Variants in SLIT3 observed in about 807,000 individuals in gnomAD.
The protein encoded by SLIT3 is slit homolog 3 protein.
SLIT3 carries 68 observed loss-of-function variants against 184.0 expected under a neutral mutation model. The observed-to-expected ratio is 0.37, with a 90% CI of 0.30 to 0.45. SLIT3 has a LOEUF of 0.45. Ranked by LOEUF, SLIT3 falls within the 20% of genes least tolerant of loss-of-function variation. The pLI, the probability that SLIT3 is intolerant of heterozygous loss-of-function variation, is 1.00. For missense variants in SLIT3, 1,707 were observed against 2,026.0 expected, an observed-to-expected ratio of 0.84 and a Z score of 3.02; for synonymous variants, 831 against 828.6, an observed-to-expected ratio of 1.00 and a Z score of -0.05.
At chr5:169,040,510 C>T (rs2113022414) in intron 4 of SLIT3, among the ~76,000 whole-genome samples, 1 of 152,314 alleles carries the variant, frequency 6.6e-6, no homozygotes. Context: ...TCAGCTAAAC[C>T]CTCATCCCCA....
intron 20 of SLIT3, among the ~76,000 whole-genome samples, chr5:168,745,491 A>T (rs1763772088): frequency 6.6e-6 from 1 of 151,624 alleles, no homozygotes; most frequent in Non-Finnish European, 1.5e-5. Flanking sequence ...GGCTCACTGC[A>T]ACTTCTGCCT....
At chr5:168,977,727 G>C (rs1754815964) in intron 4 of SLIT3, among the ~76,000 whole-genome samples, 1 of 151,980 alleles carries the variant, frequency 6.6e-6, no homozygotes, top group Non-Finnish European at 1.5e-5. Context: ...CCACCCCATA[G>C]TCTTTCAATA....
At chr5:169,198,476 T>C (rs950691709) in intron 3 of SLIT3, among the ~76,000 whole-genome samples, 8 of 152,090 alleles carry the variant, frequency 5.3e-5, no homozygotes, top group African/African-American at 1.9e-4. Flanking sequence ...AACACAGAGG[T>C]GACCTGCGAA....
At chr5:169,139,154 G>A (rs1035722494) in intron 4 of SLIT3, among the ~76,000 whole-genome samples, 1 of 152,178 alleles carries the variant, frequency 6.6e-6, no homozygotes, top group Non-Finnish European at 1.5e-5. Context: ...AGCCTTGGGG[G>A]TAAGATTGTT....
chr5:169,088,889 G>A (rs1056825006), intron 4 of SLIT3, among the ~76,000 whole-genome samples: 4 of 151,536 alleles, frequency 2.6e-5, no homozygotes, highest in East Asian at 1.9e-4. Context: ...GCATGGTGGC[G>A]CATGCCTGTA....
chr5:169,175,971 G>A (rs942217767), intron 4 of SLIT3, among the ~76,000 whole-genome samples: 5 of 152,204 alleles, frequency 3.3e-5, no homozygotes, highest in African/African-American at 1.2e-4. Context: ...CACCGCTCAG[G>A]CAACAAAGTC....
intron 4 of SLIT3, chr5:169,036,483 G>C (rs1757254627): frequency 6.6e-6 from 1 of 152,160 alleles, no homozygotes; most frequent in Non-Finnish European, 1.5e-5. Context: ...TGTTTTTCAA[G>C]CTCAATATAA....
At chr5:168,724,567 C>T in intron 20 of SLIT3, 83 bp from the exon 21 acceptor site, 1 of 1,179,186 alleles carries the variant, frequency 8.5e-7, no homozygotes, top group Non-Finnish European at 1.2e-6. Context: ...CCCTGACTTT[C>T]CAGGCTGGAT....
intron 1 of SLIT3, among the ~76,000 whole-genome samples, chr5:169,295,882 C>T (rs1767484631): frequency 1.3e-5 from 2 of 152,206 alleles, no homozygotes; most frequent in East Asian, 3.8e-4. Context: ...CCACAGAGCA[C>T]TCAGGATGAC....
At chr5:169,000,694 T>C (rs1755675107) in intron 4 of SLIT3, among the ~76,000 whole-genome samples, 1 of 152,192 alleles carries the variant, frequency 6.6e-6, no homozygotes, top group African/African-American at 2.4e-5. Context: ...CACTGAAGAA[T>C]GGTCAGAAAT....
chr5:169,249,165 T>C (rs918442364), intron 2 of SLIT3, among the ~76,000 whole-genome samples: 2 of 152,206 alleles, frequency 1.3e-5, no homozygotes, highest in African/African-American at 4.8e-5. Flanking sequence ...GATATTTTAT[T>C]GGTGTTAGTT....
chr5:168,975,035 G>A (rs992346455), intron 4 of SLIT3, among the ~76,000 whole-genome samples: 3 of 152,154 alleles, frequency 2.0e-5, no homozygotes, highest in Non-Finnish European at 2.9e-5. Context: ...CCTCAGACTG[G>A]TGCTCCAGGC....
At chr5:169,126,656 C>T (rs1243238962) in intron 4 of SLIT3, among the ~76,000 whole-genome samples, 1 of 152,234 alleles carries the variant, frequency 6.6e-6, no homozygotes. Flanking sequence ...GACACGACAA[C>T]ATTAACCAGT....
intron 5 of SLIT3, among the ~76,000 whole-genome samples, chr5:168,879,730 G>A (rs1427997746): frequency 6.6e-6 from 1 of 152,154 alleles, no homozygotes; most frequent in Non-Finnish European, 1.5e-5. Context: ...ACACAGAGAA[G>A]ATGCTCTGTC....
chr5:169,166,102 A>T (rs750753802), intron 4 of SLIT3, among the ~76,000 whole-genome samples: 2 of 152,162 alleles, frequency 1.3e-5, no homozygotes, highest in Non-Finnish European at 2.9e-5. Context: ...GACTCCAGAA[A>T]CCAAGCACTA....
chr5:169,296,874 C>G (rs963097731), intron 1 of SLIT3, among the ~76,000 whole-genome samples: 4 of 152,238 alleles, frequency 2.6e-5, no homozygotes, highest in African/African-American at 9.6e-5. Flanking sequence ...TGCCCCCACT[C>G]CACCGTTCAG....
At chr5:168,827,784 G>C (rs1757751770) in intron 6 of SLIT3, among the ~76,000 whole-genome samples, 1 of 152,156 alleles carries the variant, frequency 6.6e-6, no homozygotes. Context: ...TCACATAATG[G>C]ACAGCTCCAG....
At chr5:168,757,814 C>CT (rs1755004625) in intron 16 of SLIT3, among the ~76,000 whole-genome samples, 1 of 152,324 alleles carries the variant, frequency 6.6e-6, no homozygotes, top group Non-Finnish European at 1.5e-5. Context: ...CACACCCTGT[C>CT]TCCCCAGTAC....
chr5:169,209,650 C>T (rs745306891), intron 3 of SLIT3, among the ~76,000 whole-genome samples: 2 of 152,152 alleles, frequency 1.3e-5, no homozygotes, highest in Non-Finnish European at 2.9e-5. Context: ...TTTGCAGGGA[C>T]ATGGATGAAG....
Sources: allele counts gnomAD v4.1 joint callset (sites outside exome capture counted in the v4.1 genomes callset), GRCh38; gene constraint gnomAD v4.1.1; transcripts MANE v1.5; gene names NCBI Gene and HGNC (gene_info 2026-07-23, HGNC 2026-07-21).